The following EYS variants were observed in gnomAD, a reference collection of about 807,000 sequenced individuals.
The protein encoded by EYS is protein eyes shut homolog.
Under a neutral mutation model 282.1 loss-of-function variants are expected in EYS, and 250 were observed. That is an observed-to-expected ratio of 0.89 (90% confidence interval 0.80 to 0.98). EYS has a LOEUF of 0.98. Ranked by LOEUF, EYS falls within the 50% of genes least tolerant of loss-of-function variation. EYS has a pLI of 0.00. For synonymous variants in EYS, 1,355 were observed against 1,282.9 expected (o/e 1.06, Z -1.20); for missense variants, 4,016 against 3,709.0 (o/e 1.08, Z -2.15).
At chr6:65,456,820 G>C (rs1482685772) in intron 5 of EYS, among the ~76,000 whole-genome samples, 3 of 151,970 alleles carry the variant, frequency 2.0e-5, no homozygotes, top group Non-Finnish European at 2.9e-5. Context: ...CAGTTATTAG[G>C]CATGAGAAAG....
chr6:63,830,197 A>G (rs910065648), intron 36 of EYS, among the ~76,000 whole-genome samples: 2 of 152,240 alleles, frequency 1.3e-5, no homozygotes, highest in African/African-American at 4.8e-5. Context: ...CAGCAACTGA[A>G]CAAAGCTGGA....
At chr6:63,888,703 A>G (rs1773330185) in intron 35 of EYS, among the ~76,000 whole-genome samples, 1 of 152,374 alleles carries the variant, frequency 6.6e-6, no homozygotes, top group Non-Finnish European at 1.5e-5. Flanking sequence ...AAAAAGGCTA[A>G]AAATTCCAAA....
intron 31 of EYS, among the ~76,000 whole-genome samples, chr6:64,155,601 A>G (rs1170658763): frequency 6.6e-6 from 1 of 152,150 alleles, no homozygotes; most frequent in African/African-American, 2.4e-5. Context: ...ATGACATACT[A>G]ATATAACCCT....
At chr6:65,053,477 T>C (rs1047308868) in intron 13 of EYS, among the ~76,000 whole-genome samples, 6 of 151,810 alleles carry the variant, frequency 4.0e-5, no homozygotes, top group African/African-American at 1.2e-4. Flanking sequence ...CTACTTCTTA[T>C]ATAAAAAAGA....
intron 35 of EYS, among the ~76,000 whole-genome samples, chr6:63,905,127 G>A (rs1773744000): frequency 6.6e-6 from 1 of 152,100 alleles, no homozygotes; most frequent in South Asian, 2.1e-4. Flanking sequence ...TAGTATGGAT[G>A]TTTCATATAA....
At chr6:64,406,636 A>T (rs1459199839) in intron 28 of EYS, among the ~76,000 whole-genome samples, 1 of 152,220 alleles carries the variant, frequency 6.6e-6, no homozygotes, top group East Asian at 1.9e-4. Flanking sequence ...ACTCCATCAA[A>T]AAGTGAGCGA....
In EYS at chr6:63,941,511, G is replaced by C. The variant is rs541420261; in HGVS notation, c.7055+42872C>G. Among the ~76,000 whole-genome samples, 6 of 152,128 alleles carry C rather than the reference G, an allele frequency of 3.9e-5. No individual in the cohort carries two copies. The South Asian group carries it at 1.2e-3, about 32-fold the overall frequency. ...TGAGAAGTGTCTGTTCATATCCTTCGTCCACTTTTTGATGGGGTTGTTTGA... is the reference window on the plus strand; with the variant it reads ...TGAGAAGTGTCTGTTCATATCCTTCCTCCACTTTTTGATGGGGTTGTTTGA... On this transcript the variant is annotated intron_variant, in intron 35 of 42. Transcript: ENST00000503581.
intron 31 of EYS, among the ~76,000 whole-genome samples, chr6:64,116,404 T>C (rs1036849532): frequency 6.6e-6 from 1 of 152,150 alleles, no homozygotes; most frequent in Non-Finnish European, 1.5e-5. Context: ...TTTTATCCTA[T>C]AGTAGATACA....
chr6:65,114,801 A>G lies in EYS; in HGVS notation c.2024-57074T>C, dbSNP rs566365155. ...GCATGTTGATTGCTCCCAAATTCAG[A>G]TCTCTAGATTCTGAATACTCCTATG... is the stretch of plus-strand genomic sequence containing the variant. On this transcript the variant is annotated intron_variant, in intron 12 of 42. Transcript: ENST00000503581. Among the ~76,000 whole-genome samples, 7 of 151,956 alleles carry G rather than the reference A, an allele frequency of 4.6e-5. No homozygotes were observed. The South Asian group carries it at 1.5e-3, about 32-fold the overall frequency.
chr6:63,747,123 G>T (rs1013124785), intron 41 of EYS, among the ~76,000 whole-genome samples: 1 of 152,014 alleles, frequency 6.6e-6, no homozygotes, highest in Admixed American at 6.6e-5. Context: ...AAAGATTCTG[G>T]TACACAAACA....
chr6:64,095,289 G>A (rs1772550495), intron 31 of EYS, among the ~76,000 whole-genome samples: 1 of 152,132 alleles, frequency 6.6e-6, no homozygotes, highest in South Asian at 2.1e-4. Context: ...GCGGAGTTGA[G>A]TTCAATTCCT....
At chr6:64,798,247 C>A (rs1271809590) in intron 22 of EYS, among the ~76,000 whole-genome samples, 1 of 151,776 alleles carries the variant, frequency 6.6e-6, no homozygotes. Flanking sequence ...TCATATCTCC[C>A]TCAAGATTTT....
At chr6:64,794,797 G>A (rs568356088) in intron 22 of EYS, among the ~76,000 whole-genome samples, 1 of 151,912 alleles carries the variant, frequency 6.6e-6, no homozygotes, top group Non-Finnish European at 1.5e-5. Context: ...CCATTACTAT[G>A]ATTTTCTGAA....
intron 14 of EYS, among the ~76,000 whole-genome samples, chr6:64,946,378 T>G (rs1031532119): frequency 6.6e-6 from 1 of 152,052 alleles, no homozygotes; most frequent in Non-Finnish European, 1.5e-5. Flanking sequence ...AACAGACTTT[T>G]GGTCAATTAA....
intron 22 of EYS, among the ~76,000 whole-genome samples, chr6:64,806,143 T>C (rs934188951): frequency 1.4e-4 from 21 of 151,770 alleles, no homozygotes; most frequent in African/African-American, 4.3e-4. Context: ...GAGTATTACA[T>C]GTTCCATCTT....
chr6:64,668,290 A>G (rs959685743), intron 22 of EYS, among the ~76,000 whole-genome samples: 1 of 152,238 alleles, frequency 6.6e-6, no homozygotes, highest in Non-Finnish European at 1.5e-5. Flanking sequence ...AGATGAAAAC[A>G]AAACCTTTCA....
chr6:65,126,338 A>G (rs185942148), intron 12 of EYS, among the ~76,000 whole-genome samples: 1 of 152,304 alleles, frequency 6.6e-6, no homozygotes, highest in Admixed American at 6.5e-5. Context: ...AACTTGAGAA[A>G]TATCAGCAAC....
At chr6:65,664,952 A>G (rs895681840) in intron 1 of EYS, among the ~76,000 whole-genome samples, 5 of 152,130 alleles carry the variant, frequency 3.3e-5, no homozygotes, top group African/African-American at 1.2e-4. Context: ...GGACATAGCA[A>G]TTCTGTCTCT....
intron 14 of EYS, among the ~76,000 whole-genome samples, chr6:64,966,129 C>G (rs1770087236): frequency 6.6e-6 from 1 of 151,966 alleles, no homozygotes; most frequent in Non-Finnish European, 1.5e-5. Context: ...AAGTTGATTT[C>G]TTATGAGTGA....
Sources: allele counts gnomAD v4.1 joint callset (sites outside exome capture counted in the v4.1 genomes callset), GRCh38; gene constraint gnomAD v4.1.1; transcripts MANE v1.5; gene names NCBI Gene and HGNC (gene_info 2026-07-23, HGNC 2026-07-21).